The following TPRG1 variants were observed in gnomAD, a reference collection of about 807,000 sequenced individuals.
TPRG1 encodes the protein tumor protein p63 regulated 1.
TPRG1 carries 29 observed loss-of-function variants against 29.3 expected under a neutral mutation model. The ratio of observed to expected loss-of-function variants is 0.99; its 90% CI spans 0.74 to 1.35. The LOEUF is 1.35. Ranked by LOEUF, TPRG1 falls within the 40% of genes most tolerant of loss-of-function variation. TPRG1 has a pLI of 0.00. For missense variants in TPRG1, 327 were observed against 335.0 expected, an observed-to-expected ratio of 0.98 and a Z score of 0.19; for synonymous variants, 130 against 116.8, an observed-to-expected ratio of 1.11 and a Z score of -0.73.
intron 1 of TPRG1, among the ~76,000 whole-genome samples, chr3:189,189,805 C>A (rs1305014611): frequency 1.3e-5 from 2 of 152,174 alleles, no homozygotes; most frequent in Non-Finnish European, 1.5e-5. Context: ...CTCTCTATAG[C>A]ATTTTCTAAT....
At chr3:189,093,511 T>C (rs1216683653) in intron 4 of TPRG1, among the ~76,000 whole-genome samples, 1 of 152,216 alleles carries the variant, frequency 6.6e-6, no homozygotes. Context: ...CTGAATGAAA[T>C]GGTCTCTTAT....
chr3:189,238,973 C>A, intron 4 of TPRG1, 64 bp downstream of exon 4: 3 of 1,437,744 alleles, frequency 2.1e-6, no homozygotes, highest in African/African-American at 1.4e-5. Flanking sequence ...GGAAAACAAG[C>A]CGAAAATTCA....
chr3:189,156,092 C>T (rs1323157981), intron 5 of TPRG1, among the ~76,000 whole-genome samples: 1 of 151,990 alleles, frequency 6.6e-6, no homozygotes, highest in Non-Finnish European at 1.5e-5. Context: ...ACATTGTACA[C>T]CTTAAATATA....
At chr3:189,306,102 A>G (rs1721592368) in intron 4 of TPRG1, among the ~76,000 whole-genome samples, 1 of 152,196 alleles carries the variant, frequency 6.6e-6, no homozygotes, top group African/African-American at 2.4e-5. Context: ...ATGGGCTTAC[A>G]GAGTTCAGGC....
chr3:189,015,251 T>C (rs189421612), intron 3 of TPRG1, among the ~76,000 whole-genome samples: 48 of 152,208 alleles, frequency 3.2e-4, no homozygotes, highest in Non-Finnish European at 5.9e-4. Flanking sequence ...GGAGAGATGA[T>C]TTAGTGTATC....
At chr3:189,177,592 C>T (rs1056156569) in intron 1 of TPRG1, among the ~76,000 whole-genome samples, 8 of 151,530 alleles carry the variant, frequency 5.3e-5, no homozygotes, top group East Asian at 1.9e-4. Flanking sequence ...GAGTTAGTAT[C>T]GATAGAAAAG....
intron 3 of TPRG1, among the ~76,000 whole-genome samples, chr3:189,222,657 G>C (rs1193407932): frequency 6.6e-6 from 1 of 152,116 alleles, no homozygotes; most frequent in African/African-American, 2.4e-5. Flanking sequence ...AAGTATACTG[G>C]TCCAGATCAC....
chr3:189,016,302 T>TG (rs531867922), intron 3 of TPRG1, among the ~76,000 whole-genome samples: 190 of 152,252 alleles, frequency 1.2e-3, no homozygotes, highest in African/African-American at 4.5e-3. Context: ...CCATTTGGAA[T>TG]GGGAGTATTT....
At chr3:189,237,276 TACACACACATGCACACAC>T (rs1468307083) in intron 3 of TPRG1, among the ~76,000 whole-genome samples, 1 of 151,842 alleles carries the variant, frequency 6.6e-6, no homozygotes, top group Non-Finnish European at 1.5e-5. Flanking sequence ...GGAACACACA[TACACACACATGCACACAC>T]ACGCACACAC....
At chr3:189,271,504 G>A (rs1041952032) in intron 4 of TPRG1, among the ~76,000 whole-genome samples, 3 of 152,206 alleles carry the variant, frequency 2.0e-5, no homozygotes, top group African/African-American at 7.2e-5. Context: ...CCAACATTCA[G>A]ACAAATCTTG....
chr3:189,250,747 TAAA>T (rs139028462), intron 4 of TPRG1, among the ~76,000 whole-genome samples: 22 of 122,650 alleles, frequency 1.8e-4, no homozygotes, highest in African/African-American at 1.5e-4. Flanking sequence ...TTCCCTTGTT[TAAA>T]AAAAAAAAAA....
intron 1 of TPRG1, among the ~76,000 whole-genome samples, chr3:189,113,764 G>A (rs1720833994): frequency 6.7e-6 from 1 of 150,080 alleles, no homozygotes; most frequent in Non-Finnish European, 1.5e-5. Flanking sequence ...TCTGGGGACT[G>A]TTGTGGGGTG....
chr3:189,036,491 G>C (rs1421334478), intron 4 of TPRG1, among the ~76,000 whole-genome samples: 2 of 152,068 alleles, frequency 1.3e-5, no homozygotes, highest in African/African-American at 4.8e-5. Context: ...CCATGAAGTT[G>C]AGATAAGTTA....
chr3:189,284,420 G>A (rs1407346118), intron 4 of TPRG1, among the ~76,000 whole-genome samples: 1 of 134,124 alleles, frequency 7.5e-6, no homozygotes, highest in African/African-American at 2.9e-5. Context: ...TGTTCTCATT[G>A]TTCAATTCCC....
intron 2 of TPRG1, among the ~76,000 whole-genome samples, chr3:189,208,253 T>A (rs993992333): frequency 2.6e-5 from 4 of 152,220 alleles, no homozygotes; most frequent in Non-Finnish European, 5.9e-5. Flanking sequence ...TACCTTTCCC[T>A]CTTGAGCTCT....
intron 2 of TPRG1, among the ~76,000 whole-genome samples, chr3:189,002,106 T>C (rs898896812): frequency 3.9e-5 from 6 of 152,202 alleles, no homozygotes; most frequent in African/African-American, 1.4e-4. Flanking sequence ...TCCATAATAC[T>C]CCTTAGCCTA....
intron 5 of TPRG1, among the ~76,000 whole-genome samples, chr3:189,314,813 G>A (rs1723225617): frequency 6.6e-6 from 1 of 152,038 alleles, no homozygotes; most frequent in African/African-American, 2.4e-5. Flanking sequence ...AGGTGTCTTT[G>A]TTTTAAAAAT....
chr3:189,189,008 T>A (rs1578733499), intron 1 of TPRG1, among the ~76,000 whole-genome samples: 1 of 152,204 alleles, frequency 6.6e-6, no homozygotes, highest in African/African-American at 2.4e-5. Context: ...TTTTCCTTGA[T>A]GGTGAAAGAG....
At chr3:189,191,077 A>T in intron 1 of TPRG1, 2 of 527,900 alleles carry the variant, frequency 3.8e-6, no homozygotes, top group Non-Finnish European at 4.9e-6. Flanking sequence ...TTCACACGTA[A>T]ATATACATGT....
Sources: gnomAD v4.1 joint callset for allele counts (sites outside exome capture counted in the v4.1 genomes callset) on GRCh38, gnomAD v4.1.1 for gene constraint, MANE v1.5 for transcripts, NCBI Gene and HGNC (gene_info 2026-07-23, HGNC 2026-07-21) for gene names.